HSF5: variants seen among roughly 807,000 people sequenced by gnomAD.
The protein encoded by HSF5 is heat shock transcription factor 5.
HSF5 carries 5 observed loss-of-function variants against 50.8 expected under a neutral mutation model. The ratio of observed to expected loss-of-function variants is 0.10; its 90% CI spans 0.05 to 0.21. The LOEUF is 0.21. Among genes scored for constraint, HSF5 ranks in the 10% least tolerant of loss-of-function variants. The pLI is 1.00. For synonymous variants in HSF5, 307 were observed against 307.4 expected, an observed-to-expected ratio of 1.00 and a Z score of 0.02; for missense variants, 564 against 762.6, an observed-to-expected ratio of 0.74 and a Z score of 3.07.
At chr17:58,444,516 T>C (rs936032610) in intron 5 of HSF5, among the ~76,000 whole-genome samples, 1 of 152,170 alleles carries the variant, frequency 6.6e-6, no homozygotes, top group Non-Finnish European at 1.5e-5. Context: ...GATATCCACA[T>C]GCAAAAGAAT....
intron 3 of HSF5, among the ~76,000 whole-genome samples, chr17:58,466,051 A>G (rs1283372988): frequency 6.6e-6 from 1 of 152,154 alleles, no homozygotes; most frequent in Non-Finnish European, 1.5e-5. Flanking sequence ...CCTTTAAACT[A>G]TATGCATAAG....
In HSF5 at chr17:58,487,771, C is replaced by T; in HGVS notation, c.504G>A (p.Gln168=). The part of the protein sequence containing the change: ...TSASAATAPL[Q]HQQPPPPAGP... ...CCGCGGGCGGCGGCGGCTGCTGGTG[C>T]TGCAGTGGCGCGGTGGCGGCGGAGG... Residue 168 remains glutamine, a synonymous_variant, in exon 1 of 6, where the codon CAG becomes CAA. Transcript: ENST00000323777. 1.4e-6 allele frequency: 2 copies of T among 1,476,986 alleles called. No individual in the cohort carries two copies. Among genetic ancestry groups the T allele is most frequent in the Non-Finnish European group, 1.8e-6 (2 of 1,123,856 alleles). 91.5% of individuals were successfully genotyped at this position (1,476,986 alleles called of 1,614,324 possible).
intron 5 of HSF5, among the ~76,000 whole-genome samples, chr17:58,443,414 C>T (rs1260875208): frequency 1.3e-5 from 2 of 151,948 alleles, no homozygotes; most frequent in African/African-American, 4.8e-5. Flanking sequence ...CAATTTCTAC[C>T]TACCAACGCT....
intron 2 of HSF5, among the ~76,000 whole-genome samples, chr17:58,479,199 G>A (rs1200117505): frequency 2.0e-5 from 3 of 151,718 alleles, no homozygotes; most frequent in Admixed American, 6.6e-5. Flanking sequence ...TCATTATGAG[G>A]TAATCTCACC....
intron 4 of HSF5, among the ~76,000 whole-genome samples, chr17:58,460,066 G>C (rs1974770126): frequency 6.6e-6 from 1 of 152,142 alleles, no homozygotes; most frequent in South Asian, 2.1e-4. Context: ...TGCCCAGGCT[G>C]GAGTGTAGTG....
intron 5 of HSF5, among the ~76,000 whole-genome samples, chr17:58,441,934 G>C (rs1598184960): frequency 6.6e-6 from 1 of 152,166 alleles, no homozygotes; most frequent in South Asian, 2.1e-4. Context: ...TCTAATTTGG[G>C]TATGTGTGAG....
At chr17:58,470,428 T>C (rs1974927618) in intron 2 of HSF5, among the ~76,000 whole-genome samples, 3 of 152,312 alleles carry the variant, frequency 2.0e-5, no homozygotes, top group Admixed American at 1.3e-4. Context: ...ACAAATATTA[T>C]ACGATTCCTC....
At chr17:58,436,683 T>C (rs1188818236) in intron 5 of HSF5, among the ~76,000 whole-genome samples, 1 of 152,150 alleles carries the variant, frequency 6.6e-6, no homozygotes, top group Non-Finnish European at 1.5e-5. Context: ...GGGAGGTAAT[T>C]GTCTTTGTTG....
At chr17:58,430,921 T>G (rs1974356361) in intron 5 of HSF5, among the ~76,000 whole-genome samples, 1 of 152,224 alleles carries the variant, frequency 6.6e-6, no homozygotes, top group Non-Finnish European at 1.5e-5. Flanking sequence ...CTAGATGGTA[T>G]AGCCTACTAC....
intron 5 of HSF5, among the ~76,000 whole-genome samples, chr17:58,455,915 A>G (rs571435800): frequency 1.4e-4 from 21 of 152,260 alleles, no homozygotes; most frequent in African/African-American, 5.1e-4. Context: ...TTATAGAAAA[A>G]CAGTATGAAG....
At chr17:58,477,818 T>TA (rs975489821) in intron 2 of HSF5, among the ~76,000 whole-genome samples, 7 of 151,950 alleles carry the variant, frequency 4.6e-5, no homozygotes, top group Non-Finnish European at 8.8e-5. Context: ...CTTTTTTTTT[T>TA]AATATTTAAA....
At chr17:58,451,405 T>G (rs1363586417) in intron 5 of HSF5, among the ~76,000 whole-genome samples, 1 of 152,202 alleles carries the variant, frequency 6.6e-6, no homozygotes, top group South Asian at 2.1e-4. Flanking sequence ...CAACAACATA[T>G]GGAACAATCT....
chr17:58,423,119 G>A (rs1436793218), intron 5 of HSF5, among the ~76,000 whole-genome samples: 1 of 152,130 alleles, frequency 6.6e-6, no homozygotes, highest in African/African-American at 2.4e-5. Context: ...TGGGTTGTGG[G>A]AACATGAAAA....
In HSF5 at chr17:58,422,152, A is replaced by G; in HGVS notation, c.*208T>C. 2.0e-6 allele frequency: 1 copy of G among 509,126 alleles called. No homozygotes were observed. Among genetic ancestry groups the G allele is most frequent in the Non-Finnish European group, 3.5e-6 (1 of 285,950 alleles). 31.5% of individuals were successfully genotyped at this position (509,126 alleles called of 1,614,324 possible). ...CAAAAAACGTGGCTGCTAGATGTTC[A>G]GTAGTTTGTCAAGGCAGATAATCTG... On this transcript the variant is annotated 3_prime_UTR_variant, in exon 6 of 6. Transcript: ENST00000323777.
chr17:58,488,088 CAG>C lies in HSF5; in HGVS notation c.185_186del (p.Thr62SerfsTer137). ...AGCTCGGGCTCGGCCCCGGCCCCCG[CAG>C]TCCCGCCACCGCCCCCCGGCCCGGG... The part of the protein sequence containing the change: ...SPPGPGGGGG[T>X]AGAGAEPELF... On this transcript the variant is annotated frameshift_variant, in exon 1 of 6. Coordinates refer to ENST00000323777, the MANE Select transcript of HSF5 (RefSeq NM_001080439.3). LOFTEE classifies it high-confidence loss of function. This position sits in a 1 kb window ranked among gnomAD's most constrained non-coding sequence, Gnocchi z 4.1. 6.3e-7 allele frequency: 1 copy of C among 1,576,660 alleles called. No homozygotes were observed. Among genetic ancestry groups the C allele is most frequent in the Non-Finnish European group, 8.6e-7 (1 of 1,167,914 alleles).
At chr17:58,479,408 T>C (rs868804916) in intron 2 of HSF5, among the ~76,000 whole-genome samples, 12 of 152,148 alleles carry the variant, frequency 7.9e-5, no homozygotes, top group South Asian at 2.1e-4. Context: ...GTTCAAGCAA[T>C]TTTCTTGCCT....
chr17:58,477,088 A>T (rs1473821987), intron 2 of HSF5: 1 of 452,810 alleles, frequency 2.2e-6, no homozygotes, highest in Non-Finnish European at 4.0e-6. Flanking sequence ...GCCTGACGAC[A>T]GGTATGGGCT....
intron 3 of HSF5, among the ~76,000 whole-genome samples, chr17:58,463,935 A>G (rs1216524160): frequency 6.6e-6 from 1 of 152,258 alleles, no homozygotes; most frequent in Admixed American, 6.5e-5. Context: ...TAGGCATTTA[A>G]TACATGTTTG....
chr17:58,442,123 T>A (rs1022088344), intron 5 of HSF5, among the ~76,000 whole-genome samples: 2 of 152,224 alleles, frequency 1.3e-5, no homozygotes, highest in African/African-American at 4.8e-5. Context: ...TATACTAACA[T>A]GGCTGTGCTC....
Sources: gnomAD v4.1 joint callset for allele counts (sites outside exome capture counted in the v4.1 genomes callset) on GRCh38, gnomAD v4.1.1 for gene constraint, Gnocchi (gnomAD v3.1) non-coding constraint, MANE v1.5 for transcripts, NCBI Gene and HGNC (gene_info 2026-07-23, HGNC 2026-07-21) for gene names.